PRKG1: variants seen among roughly 807,000 people sequenced by gnomAD.
PRKG1 encodes the protein protein kinase cGMP-dependent 1, also known as cGMP-dependent protein kinase 1.
Under a neutral mutation model 88.1 loss-of-function variants are expected in PRKG1, and 35 were observed. The observed-to-expected ratio is 0.40, with a 90% CI of 0.30 to 0.53. The LOEUF is 0.53. PRKG1 is among the 20% of genes least tolerant of loss of function. PRKG1 has a pLI of 0.59. For missense variants in PRKG1, 540 were observed against 839.8 expected (o/e 0.64, Z 4.41); for synonymous variants, 303 against 292.5 (o/e 1.04, Z -0.37).
intron 7 of PRKG1, among the ~76,000 whole-genome samples, chr10:52,081,866 T>C (rs11000722): frequency 0.18 from 7,074 of 38,290 alleles, 408 homozygotes; most frequent in East Asian, 0.5. Context: ...AGAATGTTTC[T>C]TGTCCTGACA....
At chr10:51,747,040 A>G (rs1837599594) in intron 3 of PRKG1, among the ~76,000 whole-genome samples, 1 of 152,212 alleles carries the variant, frequency 6.6e-6, no homozygotes, top group Non-Finnish European at 1.5e-5. Flanking sequence ...ACTTACAGGT[A>G]CAAATCTTTG....
chr10:51,506,707 C>G (rs898205053), intron 3 of PRKG1, among the ~76,000 whole-genome samples: 1 of 152,112 alleles, frequency 6.6e-6, no homozygotes, highest in African/African-American at 2.4e-5. Context: ...GTTGGTGGGA[C>G]TGTAAACTAG....
intron 2 of PRKG1, among the ~76,000 whole-genome samples, chr10:51,467,050 G>C (rs1007387354): frequency 6.6e-6 from 1 of 151,940 alleles, no homozygotes; most frequent in East Asian, 1.9e-4. Flanking sequence ...TTACTTGCAG[G>C]TAACAATATA....
chr10:51,873,176 C>G (rs993645036), intron 4 of PRKG1, among the ~76,000 whole-genome samples: 6 of 152,066 alleles, frequency 3.9e-5, no homozygotes, highest in African/African-American at 1.4e-4. Flanking sequence ...ATCATTCAAA[C>G]TTAACTTGAT....
At chr10:51,094,011 G>T (rs1374105841) in intron 1 of PRKG1, among the ~76,000 whole-genome samples, 1 of 151,580 alleles carries the variant, frequency 6.6e-6, no homozygotes, top group African/African-American at 2.4e-5. Flanking sequence ...GTTGATCCAG[G>T]CCCCAGGCTT....
chr10:51,977,159 C>T (rs1843858609), intron 5 of PRKG1, among the ~76,000 whole-genome samples: 1 of 151,968 alleles, frequency 6.6e-6, no homozygotes. Context: ...CTGCTCCCCT[C>T]TATGTGTCTA....
intron 2 of PRKG1, among the ~76,000 whole-genome samples, chr10:51,181,224 ATTTTTTTTTTTT>A (rs1223588085): frequency 7.7e-5 from 6 of 78,278 alleles, no homozygotes; most frequent in East Asian, 3.8e-4. Context: ...ATTATATAGA[ATTTTTTTTTTTT>A]TTTTTTTTTT....
At chr10:51,920,117 G>C (rs1842431517) in intron 5 of PRKG1, among the ~76,000 whole-genome samples, 1 of 152,114 alleles carries the variant, frequency 6.6e-6, no homozygotes, top group Admixed American at 6.6e-5. Flanking sequence ...GTAGAGTAGA[G>C]GTTGCTGGTA....
intron 1 of PRKG1, among the ~76,000 whole-genome samples, chr10:51,009,602 T>G (rs1842971435): frequency 6.6e-6 from 1 of 152,234 alleles, no homozygotes; most frequent in Non-Finnish European, 1.5e-5. Context: ...TGAATAGTCT[T>G]ATTAGTGAAT....
chr10:51,834,768 AAAAAG>A (rs1261166234), intron 4 of PRKG1, among the ~76,000 whole-genome samples: 2 of 151,956 alleles, frequency 1.3e-5, no homozygotes, highest in Non-Finnish European at 2.9e-5. Flanking sequence ...AAAGAAAAGA[AAAAAG>A]AAAAGAAAAG....
At chr10:52,101,007 C>A (rs1847280843) in intron 7 of PRKG1, among the ~76,000 whole-genome samples, 1 of 152,214 alleles carries the variant, frequency 6.6e-6, no homozygotes. Context: ...GTGGCCAAGG[C>A]AATTTGATGG....
chr10:51,881,168 A>G (rs1841428863), intron 4 of PRKG1, among the ~76,000 whole-genome samples: 1 of 152,060 alleles, frequency 6.6e-6, no homozygotes, highest in African/African-American at 2.4e-5. Context: ...AGTAGTGCGC[A>G]TGAAGGGGAG....
At chr10:51,471,037 A>C (rs967812753) in intron 3 of PRKG1, among the ~76,000 whole-genome samples, 5 of 152,010 alleles carry the variant, frequency 3.3e-5, no homozygotes, top group Admixed American at 6.6e-5. Context: ...ATCTATATTC[A>C]TAGTCTGCTC....
chr10:51,585,995 G>A (rs772970447), intron 3 of PRKG1, among the ~76,000 whole-genome samples: 2 of 152,086 alleles, frequency 1.3e-5, no homozygotes, highest in African/African-American at 4.8e-5. Context: ...TAGGGCAAGA[G>A]GACAAGGTTC....
At chr10:51,061,162 G>A (rs889646574) in intron 1 of PRKG1, among the ~76,000 whole-genome samples, 2 of 151,634 alleles carry the variant, frequency 1.3e-5, no homozygotes, top group African/African-American at 2.4e-5. Context: ...AGGTTTAATG[G>A]ACTCACAGTT....
intron 3 of PRKG1, among the ~76,000 whole-genome samples, chr10:51,674,639 G>A (rs915666246): frequency 6.6e-6 from 1 of 152,006 alleles, no homozygotes; most frequent in Admixed American, 6.6e-5. Flanking sequence ...TCAACAGTGT[G>A]GTCTTAAAGA....
chr10:51,323,415 A>G (rs1841504439), intron 2 of PRKG1, among the ~76,000 whole-genome samples: 1 of 152,202 alleles, frequency 6.6e-6, no homozygotes, highest in Non-Finnish European at 1.5e-5. Context: ...TAGATGACCT[A>G]TATTCAGACT....
At chr10:51,153,662 T>A (rs1259631147) in intron 2 of PRKG1, among the ~76,000 whole-genome samples, 1 of 152,030 alleles carries the variant, frequency 6.6e-6, no homozygotes, top group Non-Finnish European at 1.5e-5. Context: ...AAGCTCAAGA[T>A]CACTGGAAGT....
chr10:51,002,909 G>T (rs950063421), intron 1 of PRKG1, among the ~76,000 whole-genome samples: 3 of 152,120 alleles, frequency 2.0e-5, no homozygotes, highest in Admixed American at 6.5e-5. Context: ...AGATAAACAG[G>T]CAAGAAGGGA....
Sources: gnomAD v4.1 joint callset for allele counts (sites outside exome capture counted in the v4.1 genomes callset) on GRCh38, gnomAD v4.1.1 for gene constraint, MANE v1.5 for transcripts, NCBI Gene and HGNC (gene_info 2026-07-23, HGNC 2026-07-21) for gene names.